Variants in MAGI1 observed in about 807,000 individuals in gnomAD.
The protein encoded by MAGI1 is membrane-associated guanylate kinase, WW and PDZ domain-containing protein 1.
MAGI1 carries 58 observed loss-of-function variants against 139.9 expected under a neutral mutation model. That is an observed-to-expected ratio of 0.41 (90% confidence interval 0.34 to 0.52). The LOEUF is 0.52. Ranked by LOEUF, MAGI1 falls within the 20% of genes least tolerant of loss-of-function variation. MAGI1 has a pLI of 0.12. For missense variants in MAGI1, 1,874 were observed against 1,901.6 expected (o/e 0.99, Z 0.27); for synonymous variants, 812 against 737.9 (o/e 1.10, Z -1.63).
intron 1 of MAGI1, among the ~76,000 whole-genome samples, chr3:65,713,730 T>C (rs11714649): frequency 0.44 from 66,253 of 152,030 alleles, 15,679 homozygotes; most frequent in East Asian, 0.61. Context: ...ATTTTGTGTG[T>C]GCCTACTACG....
At chr3:65,849,204 T>C (rs1030712664) in intron 1 of MAGI1, among the ~76,000 whole-genome samples, 2 of 151,326 alleles carry the variant, frequency 1.3e-5, no homozygotes, top group Non-Finnish European at 2.9e-5. Flanking sequence ...TTTGTATTTT[T>C]AGTAGAGACG....
chr3:65,773,402 G>A (rs1231485530), intron 1 of MAGI1, among the ~76,000 whole-genome samples: 2 of 151,968 alleles, frequency 1.3e-5, no homozygotes, highest in African/African-American at 4.8e-5. Context: ...GCATGGCAGT[G>A]CATGCCTGTA....
chr3:65,372,334 T>G (rs1942080722), intron 18 of MAGI1, among the ~76,000 whole-genome samples: 1 of 152,162 alleles, frequency 6.6e-6, no homozygotes. Flanking sequence ...GAAAGAAATT[T>G]TTTTCCCCTA....
At chr3:65,555,884 C>G (rs1009535740) in intron 2 of MAGI1, among the ~76,000 whole-genome samples, 1 of 152,098 alleles carries the variant, frequency 6.6e-6, no homozygotes, top group Non-Finnish European at 1.5e-5. Context: ...AAACCAAACA[C>G]GCTTGATACA....
At chr3:65,481,119 C>T (rs1043695989) in intron 3 of MAGI1, among the ~76,000 whole-genome samples, 2 of 152,142 alleles carry the variant, frequency 1.3e-5, no homozygotes, top group East Asian at 1.9e-4. Flanking sequence ...GTGGCTTATA[C>T]TCAACTCAAT....
intron 1 of MAGI1, among the ~76,000 whole-genome samples, chr3:65,916,149 C>G (rs1159350355): frequency 1.3e-5 from 2 of 151,866 alleles, no homozygotes; most frequent in Non-Finnish European, 2.9e-5. Flanking sequence ...TCACTGCAAC[C>G]TTTGCCTCCC....
intron 1 of MAGI1, among the ~76,000 whole-genome samples, chr3:65,781,250 G>C (rs1027478178): frequency 6.6e-6 from 1 of 152,064 alleles, no homozygotes; most frequent in Non-Finnish European, 1.5e-5. Flanking sequence ...AAACAGAATA[G>C]TACCTGCACA....
intron 1 of MAGI1, among the ~76,000 whole-genome samples, chr3:65,921,683 CT>C (rs2062195732): frequency 6.6e-6 from 1 of 152,136 alleles, no homozygotes; most frequent in Admixed American, 6.5e-5. Context: ...TCTTACCACT[CT>C]TTTAATCCAT....
chr3:65,393,356 T>C (rs147288796), intron 13 of MAGI1, among the ~76,000 whole-genome samples: 117 of 152,180 alleles, frequency 7.7e-4, no homozygotes, highest in African/African-American at 2.6e-3. Context: ...TAACAACACA[T>C]AGAAAAAATG....
intron 1 of MAGI1, among the ~76,000 whole-genome samples, chr3:65,692,195 A>T (rs1576756302): frequency 6.6e-6 from 1 of 152,294 alleles, no homozygotes; most frequent in African/African-American, 2.4e-5. Flanking sequence ...AATAAGCATC[A>T]TTGAGAACTC....
At chr3:65,490,731 C>T (rs1397284316) in intron 3 of MAGI1, among the ~76,000 whole-genome samples, 3 of 151,406 alleles carry the variant, frequency 2.0e-5, no homozygotes, top group Non-Finnish European at 4.4e-5. Context: ...GTAGTTCCAG[C>T]TACTCAGGAG....
At chr3:65,543,133 G>T (rs1464807543) in intron 2 of MAGI1, among the ~76,000 whole-genome samples, 1 of 151,958 alleles carries the variant, frequency 6.6e-6, no homozygotes, top group Admixed American at 6.6e-5. Context: ...ACATTTATGT[G>T]GCCAAGAAAC....
intron 5 of MAGI1, among the ~76,000 whole-genome samples, chr3:65,463,616 G>C (rs1949971597): frequency 1.4e-5 from 2 of 145,484 alleles, no homozygotes; most frequent in South Asian, 4.6e-4. Flanking sequence ...GCCAGGTTTT[G>C]GTATCAGGAT....
intron 2 of MAGI1, among the ~76,000 whole-genome samples, chr3:65,518,012 G>T (rs182213063): frequency 6.6e-6 from 1 of 152,232 alleles, no homozygotes; most frequent in Non-Finnish European, 1.5e-5. Flanking sequence ...TTCCACAGTA[G>T]CATTAGAACA....
At chr3:65,899,919 C>T (rs934075607) in intron 1 of MAGI1, among the ~76,000 whole-genome samples, 1 of 152,152 alleles carries the variant, frequency 6.6e-6, no homozygotes, top group African/African-American at 2.4e-5. Context: ...GATGGCATTG[C>T]ACCCACAGAA....
intron 2 of MAGI1, among the ~76,000 whole-genome samples, chr3:65,566,773 C>A (rs1474886066): frequency 6.6e-6 from 1 of 152,040 alleles, no homozygotes; most frequent in Admixed American, 6.6e-5. Flanking sequence ...ACTGGCAGGA[C>A]CTCTGAGATG....
chr3:65,650,923 ATAAG>A (rs1440488889), intron 1 of MAGI1, among the ~76,000 whole-genome samples: 8 of 152,192 alleles, frequency 5.3e-5, no homozygotes, highest in Non-Finnish European at 1.0e-4. Context: ...AACGTGTAAA[ATAAG>A]TAAGGTGCAT....
intron 18 of MAGI1, among the ~76,000 whole-genome samples, chr3:65,374,680 T>A (rs1201758995): frequency 6.6e-6 from 1 of 152,172 alleles, no homozygotes; most frequent in East Asian, 1.9e-4. Context: ...GCTGGGTAAC[T>A]TTTTATTGTG....
At chr3:65,744,856 T>G (rs1017370002) in intron 1 of MAGI1, among the ~76,000 whole-genome samples, 4 of 152,144 alleles carry the variant, frequency 2.6e-5, no homozygotes, top group African/African-American at 9.7e-5. Flanking sequence ...TGTAATTCAG[T>G]GGCATTAGTA....
Sources: allele counts gnomAD v4.1 joint callset (sites outside exome capture counted in the v4.1 genomes callset), GRCh38; gene constraint gnomAD v4.1.1; transcripts MANE v1.5; gene names NCBI Gene and HGNC (gene_info 2026-07-23, HGNC 2026-07-21).